Variants in SPNS1 observed in about 807,000 individuals in gnomAD.
SPNS1 encodes SPNS lysolipid transporter 1, lysophospholipid.
Under a neutral mutation model 50.3 loss-of-function variants are expected in SPNS1, and 22 were observed. The ratio of observed to expected loss-of-function variants is 0.44; its 90% CI spans 0.31 to 0.62. The LOEUF (loss-of-function observed/expected upper bound fraction) is 0.62. Ranked by LOEUF, SPNS1 falls within the 20% of genes least tolerant of loss-of-function variation. SPNS1 has a pLI of 0.07. For synonymous variants in SPNS1, 295 were observed against 317.4 expected, an observed-to-expected ratio of 0.93 and a Z score of 0.75; for missense variants, 576 against 728.6, an observed-to-expected ratio of 0.79 and a Z score of 2.41.
chr16:28,975,216 C>T lies in SPNS1; in HGVS notation c.65C>T (p.Pro22Leu). 3 of 1,513,546 alleles carry T rather than the reference C, an allele frequency of 2.0e-6. No homozygotes were observed. Among genetic ancestry groups the T allele is most frequent in the Admixed American group, 2.1e-5 (1 of 47,958 alleles). 93.8% of individuals were successfully genotyped at this position (1,513,546 alleles called of 1,614,324 possible). The change falls in exon 1 of 12, where the codon CCT becomes CTT. Residue 22 changes from proline (P) to leucine (L), a missense_variant. Transcript: ENST00000311008. ...GATGACCCGGACGACGGGCCAGTGC[C>T]TGGCACCCCGGGGTTGCCAGGGTCC... ...QADDPDDGPVPGTPGLPGSTG... is the reference protein window; with the variant it reads ...QADDPDDGPVLGTPGLPGSTG...
chr16:28,979,029 G>A, intron 3 of SPNS1, 126 bp from the exon 4 acceptor site: 1 of 1,195,948 alleles, frequency 8.4e-7, no homozygotes. Context: ...GCAAGCTCAG[G>A]TCTGTGTGAT....
In SPNS1 at chr16:28,981,714, C is replaced by A; in HGVS notation, c.809+99C>A. On this transcript the variant is annotated intron_variant, in intron 6 of 11. Transcript: ENST00000311008. The surrounding 1 kb of genome is among the most constrained non-coding windows in gnomAD (Gnocchi z 4.2). ...CCTGTTCCTGGCCACACCCCAAGGCCAGTAATTCGGTCGATACTGTCCCCT... is the reference window on the plus strand; with the variant it reads ...CCTGTTCCTGGCCACACCCCAAGGCAAGTAATTCGGTCGATACTGTCCCCT... 1 of 1,546,176 alleles carries A rather than the reference C, an allele frequency of 6.5e-7. No individual in the cohort carries two copies.
At chr16:28,982,658 TC>T in intron 8 of SPNS1, 113 bp downstream of exon 8, 1 of 1,337,158 alleles carries the variant, frequency 7.5e-7, no homozygotes, top group Non-Finnish European at 1.0e-6. Context: ...CTCTGGCTCT[TC>T]CCAGCTGTGT....
Position 28,980,078 on chromosome 16 carries a change from C to A in SPNS1, c.663+607C>A, listed in dbSNP as rs185116238. The stretch of plus-strand genomic sequence containing the variant: ...TGATGGCTCACGCCTATAATCCCAG[C>A]ACTTTGGGAGGCTGAGGTGGGCGGA... On this transcript the variant is annotated intron_variant, in intron 5 of 11. Coordinates refer to ENST00000311008, the MANE Select transcript of SPNS1 (RefSeq NM_032038.3). 7.0e-3 allele frequency: 1,063 copies of A among 152,134 alleles called. 19 individuals carry two copies. Among genetic ancestry groups the A allele is most frequent in the African/African-American group, 0.024 (1,003 of 41,256 alleles). 9.4% of individuals were successfully genotyped at this position (152,134 alleles called of 1,614,324 possible).
At position 28,977,987 on chromosome 16, in the gene SPNS1, C is replaced by CG; in HGVS notation, c.392dup (p.Ile132HisfsTer141). 1 of 1,613,854 alleles carries CG rather than the reference C, an allele frequency of 6.2e-7. No individual in the cohort carries two copies. The highest frequency in any genetic ancestry group is 2.2e-5 in the East Asian group (1 of 44,866). On this transcript the variant is annotated frameshift_variant, in exon 3 of 12. Coordinates refer to ENST00000311008, the MANE Select transcript of SPNS1 (RefSeq NM_032038.3). LOFTEE classifies it high-confidence loss of function. ...GGTACAATCGGAAGTATCTCATGTG[C>CG]GGGGGCATTGCCTTCTGGTCCCTGG...
Position 28,983,043 on chromosome 16 carries a change from C to A in SPNS1, c.1221+121C>A. 1.6e-6 allele frequency: 2 copies of A among 1,274,054 alleles called. No homozygotes were observed. The highest frequency in any genetic ancestry group is 2.3e-6 in the Non-Finnish European group (2 of 887,358). 78.9% of individuals were successfully genotyped at this position (1,274,054 alleles called of 1,614,324 possible). On this transcript the variant is annotated intron_variant, in intron 9 of 11. Transcript: ENST00000311008. This position sits in a 1 kb window ranked among gnomAD's most constrained non-coding sequence, Gnocchi z 5.4. Reference sequence around the variant, plus strand: ...ACCTACCTTCTGCAATAAATAACATCTGTAGCAGACCCCCGGCCTGCCCTG... The same window carrying A: ...ACCTACCTTCTGCAATAAATAACATATGTAGCAGACCCCCGGCCTGCCCTG...
In SPNS1 at chr16:28,979,395, C is replaced by T. The variant is rs1168846262; in HGVS notation, c.597-10C>T. 3.1e-6 allele frequency: 5 copies of T among 1,614,090 alleles called. No homozygotes were observed. The highest frequency in any genetic ancestry group is 2.2e-5 in the East Asian group (1 of 44,870). ...CTGTCCCCCCTTTTTCCCCTCTCTC[C>T]CTCCCACAGTGGTCTGGGCTACATT... On this transcript the variant is annotated splice_polypyrimidine_tract_variant and intron_variant, in intron 4 of 11. Transcript: ENST00000311008.
intron 11 of SPNS1, 79 bp downstream of exon 11, chr16:28,984,036 C>T: frequency 6.7e-7 from 1 of 1,490,546 alleles, no homozygotes; most frequent in Non-Finnish European, 8.9e-7. Context: ...TCCTGTGCAC[C>T]TGGCAGCTCA....
chr16:28,977,782 A>T (rs1965395386), intron 2 of SPNS1, 126 bp from the exon 3 acceptor site: 1 of 1,207,912 alleles, frequency 8.3e-7, no homozygotes, highest in Admixed American at 2.3e-5. Flanking sequence ...TCAGGCTGGG[A>T]TGTGGGGGTG....
At position 28,975,359 on chromosome 16, in the gene SPNS1, C is replaced by T; in HGVS notation, c.208C>T (p.Leu70Phe). The T allele has an allele frequency of 6.2e-7, 1 of 1,600,742 alleles. No homozygotes were observed. The highest frequency in any genetic ancestry group is 1.3e-5 in the African/African-American group (1 of 74,932). The part of the protein sequence containing the change: ...LIVAVLCYIN[L>F]LNYMDRFTVA... ...AGTGGCGGTGCTGTGCTACATCAAT[C>T]TCCTGAACTACATGGACCGCTTCAC... Residue 70 changes from leucine to phenylalanine, a missense_variant, in exon 1 of 12, where the codon CTC becomes TTC. This residue lies in a region of SPNS1 where 144 missense variants were observed against 181.2 expected (regional missense o/e 0.79). Transcript: ENST00000311008.
At position 28,982,585 on chromosome 16, in the gene SPNS1, C is replaced by T. The variant is rs1451392860; in HGVS notation, c.1155+40C>T. The T allele has an allele frequency of 5.8e-6, 9 of 1,564,754 alleles. No individual in the cohort carries two copies. In the East Asian group the frequency reaches 6.8e-5, roughly 12 times the overall value. On this transcript the variant is annotated intron_variant, in intron 8 of 11. Transcript: ENST00000311008. ...GGTGTCAAGGGGGATGGCGTGGGTCCAGGGTGGAGGAGCAGTCAGCGTAAT... is the reference window on the plus strand; with the variant it reads ...GGTGTCAAGGGGGATGGCGTGGGTCTAGGGTGGAGGAGCAGTCAGCGTAAT...
chr16:28,974,826 G>T lies in SPNS1; in HGVS notation c.-326G>T. 2 of 1,535,734 alleles carry T rather than the reference G, an allele frequency of 1.3e-6. No homozygotes were observed. Among genetic ancestry groups the T allele is most frequent in the Non-Finnish European group, 1.7e-6 (2 of 1,146,592 alleles). ...GGCGGCTGCCGTGGTGCAGCGCCCG[G>T]GCTGAGCGACAGCAAGTGCAGCGGG... On this transcript the variant is annotated 5_prime_UTR_variant, in exon 1 of 12. Transcript: ENST00000311008.
At chr16:28,982,245 A>G in intron 7 of SPNS1, 111 bp from the exon 8 acceptor site, 2 of 1,385,126 alleles carry the variant, frequency 1.4e-6, no homozygotes, top group African/African-American at 1.4e-5. Context: ...TGTGCCAACC[A>G]TGGGGTGCTG....
Position 28,984,206 on chromosome 16 carries a change from C to A in SPNS1, c.1494C>A (p.Gly498=). 6.4e-7 allele frequency: 1 copy of A among 1,570,958 alleles called. No homozygotes were observed. The highest frequency in any genetic ancestry group is 1.2e-5 in the South Asian group (1 of 84,812). ...CTGGCTCTGACCCTCCCCCCTCAGG[C>A]CTGCTGCACGAAGCAGGGTCCACAG... ...DRRRAQLHVQ[G]LLHEAGSTDD... is the part of the protein sequence containing the mutation. The change falls in exon 12 of 12, where the codon GGC becomes GGA. Residue 498 remains glycine, a splice_region_variant and synonymous_variant. Coordinates refer to ENST00000311008, the MANE Select transcript of SPNS1 (RefSeq NM_032038.3).
rs996569487 is a variant in SPNS1 at position 28,981,797 on chromosome 16, G to A, written c.810-104G>A. On this transcript the variant is annotated intron_variant, in intron 6 of 11. Coordinates refer to ENST00000311008, the MANE Select transcript of SPNS1 (RefSeq NM_032038.3). This position sits in a 1 kb window ranked among gnomAD's most constrained non-coding sequence, Gnocchi z 4.2. ...CTGGGAGCCAGAACCACCTCTGCAC[G>A]GTGTTGTGACCTTACTAAAATAAGC... 2.1e-5 allele frequency: 32 copies of A among 1,528,924 alleles called. No individual in the cohort carries two copies. Among genetic ancestry groups the A allele is most frequent in the Middle Eastern group, 1.7e-4 (1 of 5,846 alleles). 94.7% of individuals were successfully genotyped at this position (1,528,924 alleles called of 1,614,324 possible). A position where few individuals can be genotyped will look rare whatever the true frequency, so the allele number is the denominator to read the frequency against.
intron 8 of SPNS1, 118 bp from the exon 9 acceptor site, chr16:28,982,739 A>T: frequency 7.8e-7 from 1 of 1,282,652 alleles, no homozygotes; most frequent in Non-Finnish European, 1.1e-6. Flanking sequence ...TATTAGTAGC[A>T]CCTGTCTCAC....
rs1269062125 is a variant in SPNS1, at chr16:28,983,551, C to T, written c.1321-235C>T. ...AGACCTCACTCTGTTGCCCAGGCTG[C>T]AGTGTAGTGGCACGATCATGGCTCA... On this transcript the variant is annotated intron_variant, in intron 10 of 11. Transcript: ENST00000311008. The surrounding 1 kb of genome is among the most constrained non-coding windows in gnomAD (Gnocchi z 5.4). Among the ~76,000 whole-genome samples the T allele has an allele frequency of 6.6e-6, 1 of 152,168 alleles. No homozygotes were observed. Among genetic ancestry groups the T allele is most frequent in the East Asian group, 1.9e-4 (1 of 5,192 alleles).
In SPNS1 at chr16:28,975,573, T is replaced by G. The variant is rs755254979; in HGVS notation, c.307+16T>G. On this transcript the variant is annotated intron_variant, in intron 2 of 11. Coordinates refer to ENST00000311008, the MANE Select transcript of SPNS1 (RefSeq NM_032038.3). Reference sequence around the variant, plus strand: ...ATCCAGACCGGTGAGTGGGGACCACTCCTGGTCACACAGCCGCTCCTCCTT... The same window carrying G: ...ATCCAGACCGGTGAGTGGGGACCACGCCTGGTCACACAGCCGCTCCTCCTT... 2 of 1,613,864 alleles carry G rather than the reference T, an allele frequency of 1.2e-6. 1 individual carries two copies. The highest frequency in any genetic ancestry group is 2.2e-5 in the South Asian group (2 of 91,074).
chr16:28,983,102 C>G lies in SPNS1; in HGVS notation c.1222-90C>G. On this transcript the variant is annotated intron_variant, in intron 9 of 11. Transcript: ENST00000311008. The surrounding 1 kb of genome is among the most constrained non-coding windows in gnomAD (Gnocchi z 5.4). ...ACCCCAGGCACACCTCTGACCCCGG[C>G]CTAGGCGGATCCTTGGTGGTCTCCT... 3.1e-6 allele frequency: 4 copies of G among 1,270,688 alleles called. No individual in the cohort carries two copies. Among genetic ancestry groups the G allele is most frequent in the Non-Finnish European group, 3.4e-6 (3 of 882,226 alleles). 78.7% of individuals were successfully genotyped at this position (1,270,688 alleles called of 1,614,324 possible). A position where few individuals can be genotyped will look rare whatever the true frequency, so the allele number is the denominator to read the frequency against.
Sources: gnomAD v4.1 joint callset for allele counts (sites outside exome capture counted in the v4.1 genomes callset) on GRCh38, gnomAD v4.1.1 for gene constraint, gnomAD v4.1.1 regional missense constraint, Gnocchi (gnomAD v3.1) non-coding constraint, MANE v1.5 for transcripts, NCBI Gene and HGNC (gene_info 2026-07-23, HGNC 2026-07-21) for gene names.